The following PRELID2 variants were observed in gnomAD, a reference collection of about 807,000 sequenced individuals.
PRELID2 encodes the protein PRELI domain containing 2, also known as PRELI domain-containing protein 2.
A neutral mutation model predicts 28.4 loss-of-function variants in PRELID2; 25 were observed. The observed-to-expected ratio is 0.88, with a 90% CI of 0.64 to 1.23. PRELID2 has a LOEUF of 1.23. Ranked by LOEUF, PRELID2 falls within the 50% of genes most tolerant of loss-of-function variation. The pLI is 0.00. For missense variants in PRELID2, 201 were observed against 214.4 expected (o/e 0.94, Z 0.39); for synonymous variants, 76 against 71.6 (o/e 1.06, Z -0.31).
At chr5:145,658,061 C>G (rs1754426383) in intron 1 of PRELID2, among the ~76,000 whole-genome samples, 1 of 152,144 alleles carries the variant, frequency 6.6e-6, no homozygotes, top group South Asian at 2.1e-4. Flanking sequence ...TATTGAGTAC[C>G]TCTTGTGTGC....
At position 145,835,216 on chromosome 5, in the gene PRELID2, C is replaced by CT. The variant is rs1229575713; in HGVS notation, c.35dup (p.Tyr13ValfsTer20). ...TGGCGACCACCTGCTCGAAGGGGTA[C>CT]TTGTACACCTGGTGCACATCCACCG... is the stretch of plus-strand genomic sequence containing the variant. On this transcript the variant is annotated frameshift_variant, in exon 1 of 7. Coordinates refer to ENST00000683046, the MANE Select transcript of PRELID2 (RefSeq NM_205846.3). LOFTEE classifies it high-confidence loss of function. 20 of 1,550,622 alleles carry CT rather than the reference C, an allele frequency of 1.3e-5. No individual in the cohort carries two copies. The highest frequency in any genetic ancestry group is 1.7e-4 in the Middle Eastern group (1 of 5,752).
chr5:145,795,484 A>G (rs1254344865), intron 5 of PRELID2: 1 of 152,144 alleles, frequency 6.6e-6, no homozygotes, highest in Non-Finnish European at 1.5e-5. Context: ...AACACCTCCT[A>G]GTACAGGTTC....
At chr5:145,820,161 G>GGCGAGCT in intron 2 of PRELID2, 143 bp from the exon 3 acceptor site, 1 of 579,854 alleles carries the variant, frequency 1.7e-6, no homozygotes, top group Non-Finnish European at 3.0e-6. Context: ...GAGTGCAATG[G>GGCGAGCT]CACGGTCTCG....
the PRELID2 span, among the ~76,000 whole-genome samples, chr5:145,440,462 C>T: frequency 6.6e-6 from 1 of 152,072 alleles, no homozygotes; most frequent in Non-Finnish European, 1.5e-5. Context: ...CTTTTAGGAG[C>T]CATACCAGTT....
At chr5:145,330,868 G>A in the PRELID2 span, among the ~76,000 whole-genome samples, 1 of 152,058 alleles carries the variant, frequency 6.6e-6, no homozygotes, top group Non-Finnish European at 1.5e-5. Context: ...GTGAGGTTAG[G>A]ATGTTGATTT....
the PRELID2 span, among the ~76,000 whole-genome samples, chr5:145,386,441 C>A: frequency 6.6e-6 from 1 of 152,074 alleles, no homozygotes; most frequent in Admixed American, 6.6e-5. Flanking sequence ...CTCATGAGAT[C>A]TGATGGTTTC....
At chr5:145,308,701 T>A in the PRELID2 span, among the ~76,000 whole-genome samples, 60 of 152,284 alleles carry the variant, frequency 3.9e-4, no homozygotes, top group African/African-American at 1.4e-3. Context: ...GGAACTCTAG[T>A]TGAGCCTTAA....
chr5:145,778,419 G>A (rs1166336411), intron 5 of PRELID2, among the ~76,000 whole-genome samples: 3 of 152,208 alleles, frequency 2.0e-5, no homozygotes, highest in African/African-American at 7.2e-5. Flanking sequence ...GCTACACACT[G>A]TGAGTTCCCT....
chr5:145,446,208 T>C, the PRELID2 span, among the ~76,000 whole-genome samples: 9 of 152,130 alleles, frequency 5.9e-5, no homozygotes, highest in Non-Finnish European at 1.3e-4. Context: ...TCACTATATA[T>C]AATATGTATG....
the PRELID2 span, among the ~76,000 whole-genome samples, chr5:145,267,306 C>T: frequency 1.3e-5 from 2 of 152,110 alleles, no homozygotes; most frequent in African/African-American, 4.8e-5. Context: ...CTTTCCCAGC[C>T]CACTGACCCA....
chr5:145,558,346 T>G (rs559206846), intron 1 of PRELID2, among the ~76,000 whole-genome samples: 1 of 152,382 alleles, frequency 6.6e-6, no homozygotes, highest in East Asian at 1.9e-4. Flanking sequence ...GTTATACCCA[T>G]GAACCAAATG....
chr5:145,714,262 A>G (rs1010896494), intron 1 of PRELID2, among the ~76,000 whole-genome samples: 9 of 152,188 alleles, frequency 5.9e-5, no homozygotes, highest in East Asian at 1.9e-4. Flanking sequence ...TTAGAATTAA[A>G]TAAGTGTGAC....
intron 1 of PRELID2, among the ~76,000 whole-genome samples, chr5:145,507,031 T>C (rs1314958815): frequency 6.6e-6 from 1 of 152,204 alleles, no homozygotes; most frequent in Non-Finnish European, 1.5e-5. Flanking sequence ...TTTCTCTGTC[T>C]TATTCACTAT....
the PRELID2 span, among the ~76,000 whole-genome samples, chr5:145,394,158 A>T: frequency 7.2e-4 from 109 of 152,280 alleles, no homozygotes; most frequent in Middle Eastern, 3.4e-3. Flanking sequence ...ACTATTCACA[A>T]TAGCAAAGAC....
intron 1 of PRELID2, among the ~76,000 whole-genome samples, chr5:145,628,568 C>T (rs558653176): frequency 4.1e-4 from 62 of 152,292 alleles, no homozygotes; most frequent in African/African-American, 1.3e-3. Flanking sequence ...AGGCGATCCA[C>T]CCATCTCAGC....
At chr5:145,329,700 T>C in the PRELID2 span, among the ~76,000 whole-genome samples, 1 of 152,198 alleles carries the variant, frequency 6.6e-6, no homozygotes, top group African/African-American at 2.4e-5. Flanking sequence ...TAGGGTTTTC[T>C]AAATATACAA....
intron 2 of PRELID2, 69 bp downstream of exon 2, chr5:145,823,008 T>C (rs1754934815): frequency 1.2e-6 from 1 of 859,638 alleles, no homozygotes. Flanking sequence ...CACACACACG[T>C]ACACACATCT....
intron 1 of PRELID2, among the ~76,000 whole-genome samples, chr5:145,593,675 CA>C (rs1334290708): frequency 6.6e-6 from 1 of 152,106 alleles, no homozygotes; most frequent in African/African-American, 2.4e-5. Context: ...AACTGTACTG[CA>C]GAGTCATCAA....
intron 1 of PRELID2, among the ~76,000 whole-genome samples, chr5:145,529,825 T>C (rs1283795405): frequency 6.6e-6 from 1 of 152,210 alleles, no homozygotes; most frequent in Non-Finnish European, 1.5e-5. Context: ...CTGAAGTCTA[T>C]GTTAGTATAT....
Sources: gnomAD v4.1 joint callset for allele counts (sites outside exome capture counted in the v4.1 genomes callset) on GRCh38, gnomAD v4.1.1 for gene constraint, MANE v1.5 for transcripts, NCBI Gene and HGNC (gene_info 2026-07-23, HGNC 2026-07-21) for gene names.